Variants in GRM8 observed in about 807,000 individuals in gnomAD.
The protein encoded by GRM8 is metabotropic glutamate receptor 8.
Under a neutral mutation model 87.2 loss-of-function variants are expected in GRM8, and 47 were observed. The ratio of observed to expected loss-of-function variants is 0.54; its 90% confidence interval spans 0.43 to 0.69. The LOEUF is 0.69. Ranked by LOEUF, GRM8 falls within the 30% of genes least tolerant of loss-of-function variation. GRM8 has a pLI of 0.00. For synonymous variants in GRM8, 396 were observed against 404.5 expected, an observed-to-expected ratio of 0.98 and a Z score of 0.25; for missense variants, 1,019 against 1,139.2, an observed-to-expected ratio of 0.89 and a Z score of 1.52.
chr7:126,806,835 C>T (rs1042003993), intron 6 of GRM8, among the ~76,000 whole-genome samples: 3 of 152,198 alleles, frequency 2.0e-5, no homozygotes, highest in South Asian at 2.1e-4. Context: ...TACCCGGAAC[C>T]GCGCCGGTGG....
intron 7 of GRM8, among the ~76,000 whole-genome samples, chr7:126,665,684 C>T (rs1805683404): frequency 6.6e-6 from 1 of 152,070 alleles, no homozygotes; most frequent in Non-Finnish European, 1.5e-5. Flanking sequence ...ATTTACATCA[C>T]AAAACCTTAG....
intron 7 of GRM8, among the ~76,000 whole-genome samples, chr7:126,721,360 T>C (rs976343890): frequency 6.6e-6 from 1 of 152,170 alleles, no homozygotes; most frequent in African/African-American, 2.4e-5. Context: ...TTTTAAAGAA[T>C]GAATATAATG....
chr7:126,772,613 T>C (rs1818966396), intron 6 of GRM8, among the ~76,000 whole-genome samples: 1 of 152,094 alleles, frequency 6.6e-6, no homozygotes, highest in African/African-American at 2.4e-5. Flanking sequence ...AATACCACTA[T>C]AGATCTATTG....
At chr7:126,972,920 G>A (rs984501710) in intron 3 of GRM8, among the ~76,000 whole-genome samples, 1 of 152,142 alleles carries the variant, frequency 6.6e-6, no homozygotes, top group Admixed American at 6.5e-5. Context: ...GCACATTTGA[G>A]CAAATGCAAT....
At chr7:126,530,242 C>A (rs939142288) in intron 9 of GRM8, among the ~76,000 whole-genome samples, 4 of 152,210 alleles carry the variant, frequency 2.6e-5, no homozygotes, top group Non-Finnish European at 4.4e-5. Flanking sequence ...TCGATGCATT[C>A]TCTGACGTTA....
intron 6 of GRM8, among the ~76,000 whole-genome samples, chr7:126,863,855 CTT>C (rs1798356549): frequency 1.3e-5 from 2 of 151,706 alleles, no homozygotes; most frequent in Admixed American, 6.6e-5. Context: ...TAATATTTCT[CTT>C]TATCTTTACT....
At chr7:126,928,052 G>T (rs1292726684) in intron 3 of GRM8, among the ~76,000 whole-genome samples, 1 of 152,140 alleles carries the variant, frequency 6.6e-6, no homozygotes, top group Admixed American at 6.5e-5. Context: ...AAACGGATGA[G>T]TTCATGTCCT....
chr7:126,844,396 G>C (rs1211310398), intron 6 of GRM8, among the ~76,000 whole-genome samples: 1 of 152,084 alleles, frequency 6.6e-6, no homozygotes, highest in South Asian at 2.1e-4. Context: ...AACCAAACTT[G>C]TTTTGCAATC....
intron 8 of GRM8, among the ~76,000 whole-genome samples, chr7:126,561,328 G>A (rs1006641687): frequency 2.0e-5 from 3 of 151,914 alleles, no homozygotes; most frequent in Admixed American, 6.6e-5. Flanking sequence ...AAAATTAGCC[G>A]GGCGTGGTGG....
At chr7:126,472,880 A>C (rs376749312) in intron 9 of GRM8, among the ~76,000 whole-genome samples, 1 of 152,210 alleles carries the variant, frequency 6.6e-6, no homozygotes, top group Non-Finnish European at 1.5e-5. Flanking sequence ...CCATTGCTTC[A>C]GAGGGTACAA....
chr7:127,097,812 A>G (rs983019905), intron 3 of GRM8, among the ~76,000 whole-genome samples: 3 of 152,254 alleles, frequency 2.0e-5, no homozygotes, highest in Non-Finnish European at 4.4e-5. Context: ...TTTGACTCCA[A>G]GGTTGGTTCT....
At chr7:126,892,948 T>C (rs1375771444) in intron 6 of GRM8, among the ~76,000 whole-genome samples, 1 of 152,098 alleles carries the variant, frequency 6.6e-6, no homozygotes, top group Non-Finnish European at 1.5e-5. Flanking sequence ...TTGAGAAGTG[T>C]CTGTTCAAAC....
chr7:127,047,830 T>C (rs1819090428), intron 3 of GRM8, among the ~76,000 whole-genome samples: 1 of 152,150 alleles, frequency 6.6e-6, no homozygotes, highest in South Asian at 2.1e-4. Context: ...AATGAGACCC[T>C]GTTTCAAAAA....
chr7:126,620,597 C>A (rs927377967), intron 7 of GRM8, among the ~76,000 whole-genome samples: 2 of 151,818 alleles, frequency 1.3e-5, no homozygotes, highest in African/African-American at 4.8e-5. Context: ...TGCTTTCTGG[C>A]TCTACCAATT....
At chr7:127,059,144 T>C (rs974949063) in intron 3 of GRM8, among the ~76,000 whole-genome samples, 2 of 151,840 alleles carry the variant, frequency 1.3e-5, no homozygotes, top group African/African-American at 4.8e-5. Flanking sequence ...GCCAAGAAGA[T>C]CCTATAGGGG....
chr7:127,194,231 C>A (rs969289152), intron 2 of GRM8, among the ~76,000 whole-genome samples: 1 of 152,226 alleles, frequency 6.6e-6, no homozygotes, highest in African/African-American at 2.4e-5. Context: ...TGGAGTCCAA[C>A]AAACCAAGGT....
At chr7:127,160,265 C>G (rs551287526) in intron 2 of GRM8, among the ~76,000 whole-genome samples, 338 of 152,208 alleles carry the variant, frequency 2.2e-3, no homozygotes, top group Admixed American at 4.9e-3. Flanking sequence ...TTCACATTAA[C>G]TGGGAGTGGA....
In GRM8 at chr7:126,528,984, T is replaced by C. The variant is rs144601604; in HGVS notation, c.2430+3968A>G. Among the ~76,000 whole-genome samples the C allele has an allele frequency of 7.4e-3, 1,125 of 152,234 alleles. 15 individuals carry two copies. Among genetic ancestry groups the C allele is most frequent in the African/African-American group, 0.025 (1,046 of 41,538 alleles). On this transcript the variant is annotated intron_variant, in intron 9 of 10. Coordinates refer to ENST00000339582, the MANE Select transcript of GRM8 (RefSeq NM_000845.3). ...AAATAGAGAAAAAGAACAAGAGGGG[T>C]GATATGGCAAAAGTATCTCAATAGT...
intron 7 of GRM8, among the ~76,000 whole-genome samples, chr7:126,708,146 T>A (rs1227845769): frequency 6.6e-6 from 1 of 152,156 alleles, no homozygotes; most frequent in African/African-American, 2.4e-5. Flanking sequence ...TCAACATCAC[T>A]AATCCTCAGA....
Sources: gnomAD v4.1 joint callset for allele counts (sites outside exome capture counted in the v4.1 genomes callset) on GRCh38, gnomAD v4.1.1 for gene constraint, MANE v1.5 for transcripts, NCBI Gene and HGNC (gene_info 2026-07-23, HGNC 2026-07-21) for gene names.